TLCD4: variants seen among roughly 807,000 people sequenced by gnomAD.
The protein encoded by TLCD4 is TLC domain-containing protein 4.
Under a neutral mutation model 24.2 loss-of-function variants are expected in TLCD4, and 7 were observed. The observed-to-expected ratio is 0.29, with a 90% CI of 0.16 to 0.54. The LOEUF (loss-of-function observed/expected upper bound fraction) is 0.54. Ranked by LOEUF, TLCD4 falls within the 20% of genes least tolerant of loss-of-function variation. The pLI, the probability that TLCD4 is intolerant of heterozygous loss-of-function variation, is 0.95. For missense variants in TLCD4, 259 were observed against 313.9 expected (o/e 0.82, Z 1.32); for synonymous variants, 103 against 106.4 (o/e 0.97, Z 0.20).
the TLCD4 span, among the ~76,000 whole-genome samples, chr1:95,097,111 T>C: frequency 6.6e-6 from 1 of 152,196 alleles, no homozygotes; most frequent in Non-Finnish European, 1.5e-5. Flanking sequence ...ACATAATAGA[T>C]GTACATATTT....
At chr1:95,122,941 CT>C (rs765193734) in intron 1 of TLCD4, among the ~76,000 whole-genome samples, 19 of 151,338 alleles carry the variant, frequency 1.3e-4, no homozygotes, top group Non-Finnish European at 2.4e-4. Flanking sequence ...TTTACAAGTT[CT>C]TTTTATAAAG....
upstream of TLCD4, among the ~76,000 whole-genome samples, chr1:95,112,662 T>A (rs116458687): frequency 4.1e-3 from 629 of 152,278 alleles, no homozygotes; most frequent in Non-Finnish European, 7.6e-3. Context: ...CAGTCAGGAA[T>A]AAGAGTAGAA....
chr1:95,124,144 A>G (rs1200093461), intron 1 of TLCD4, among the ~76,000 whole-genome samples: 1 of 152,228 alleles, frequency 6.6e-6, no homozygotes, highest in Non-Finnish European at 1.5e-5. Context: ...TGTTTCAAAC[A>G]GGATTTGGGA....
chr1:95,166,041 T>C (rs1479727680), intron 5 of TLCD4, among the ~76,000 whole-genome samples: 1 of 152,142 alleles, frequency 6.6e-6, no homozygotes, highest in African/African-American at 2.4e-5. Flanking sequence ...GAGATTGGAT[T>C]CAATTAAGTT....
chr1:95,178,586 T>TTTTTTA (rs1678522929), intron 6 of TLCD4, among the ~76,000 whole-genome samples: 2 of 124,338 alleles, frequency 1.6e-5, no homozygotes, highest in African/African-American at 2.8e-5. Context: ...TTTTTTTTTT[T>TTTTTTA]GAGACAGTCT....
intron 5 of TLCD4, among the ~76,000 whole-genome samples, chr1:95,169,214 A>T (rs1230629352): frequency 6.6e-6 from 1 of 152,104 alleles, no homozygotes; most frequent in Non-Finnish European, 1.5e-5. Context: ...TATGTCTTGG[A>T]TGGGGCCCTG....
intron 5 of TLCD4, among the ~76,000 whole-genome samples, chr1:95,168,648 A>G (rs1473148730): frequency 2.2e-5 from 3 of 138,172 alleles, no homozygotes; most frequent in Non-Finnish European, 3.0e-5. Context: ...CTCTGCTGGC[A>G]TTATAGGCAT....
chr1:95,165,599 G>A (rs1040715809), intron 5 of TLCD4, among the ~76,000 whole-genome samples: 5 of 151,852 alleles, frequency 3.3e-5, no homozygotes, highest in Admixed American at 6.6e-5. Flanking sequence ...CCAAGTAGTT[G>A]GGATTACCGG....
chr1:95,165,565 A>C (rs967849632), intron 5 of TLCD4, among the ~76,000 whole-genome samples: 7 of 151,650 alleles, frequency 4.6e-5, no homozygotes, highest in Admixed American at 1.3e-4. Context: ...TCCCGGGTTC[A>C]AGCGATTCCC....
At chr1:95,098,807 G>A in the TLCD4 span, among the ~76,000 whole-genome samples, 1 of 152,070 alleles carries the variant, frequency 6.6e-6, no homozygotes, top group East Asian at 1.9e-4. Context: ...GCTCACACCT[G>A]TAATCCCAGC....
At chr1:95,105,351 G>C in the TLCD4 span, among the ~76,000 whole-genome samples, 1 of 152,128 alleles carries the variant, frequency 6.6e-6, no homozygotes, top group East Asian at 1.9e-4. Context: ...CCTGAAACTA[G>C]ATTGTCTTCA....
chr1:95,160,117 A>G (rs1289361537), intron 5 of TLCD4, among the ~76,000 whole-genome samples: 1 of 152,142 alleles, frequency 6.6e-6, no homozygotes, highest in Admixed American at 6.6e-5. Flanking sequence ...TTTTCACGAT[A>G]TTGATTCTTC....
intron 5 of TLCD4, chr1:95,163,348 A>T (rs1003418046): frequency 6.6e-6 from 1 of 152,110 alleles, no homozygotes; most frequent in African/African-American, 2.4e-5. Context: ...TTTCAGCTCC[A>T]TTGGGTACCT....
chr1:95,111,310 A>G, the TLCD4 span, among the ~76,000 whole-genome samples: 1 of 98,222 alleles, frequency 1.0e-5, no homozygotes, highest in African/African-American at 3.4e-5. Flanking sequence ...AAACAAAACA[A>G]AACAAAACAA....
chr1:95,159,810 G>A (rs972270509), intron 5 of TLCD4, among the ~76,000 whole-genome samples: 3 of 152,136 alleles, frequency 2.0e-5, no homozygotes, highest in African/African-American at 7.2e-5. Flanking sequence ...AAGATCAGAT[G>A]GTTGTAGATG....
intron 1 of TLCD4, among the ~76,000 whole-genome samples, chr1:95,143,199 A>G (rs1349010376): frequency 6.6e-6 from 1 of 152,082 alleles, no homozygotes; most frequent in East Asian, 1.9e-4. Context: ...AGTAACCTCC[A>G]GTTATTTTGT....
intron 5 of TLCD4, among the ~76,000 whole-genome samples, chr1:95,168,821 T>C (rs1307361654): frequency 1.3e-5 from 2 of 152,168 alleles, no homozygotes; most frequent in Non-Finnish European, 2.9e-5. Flanking sequence ...AGGCACTGTG[T>C]AAGGCTTTAT....
intron 5 of TLCD4, among the ~76,000 whole-genome samples, chr1:95,162,927 C>T (rs565353558): frequency 2.6e-3 from 391 of 152,302 alleles, no homozygotes; most frequent in Non-Finnish European, 5.0e-3. Context: ...CTCTGGCTGC[C>T]CTTAACATTT....
intron 5 of TLCD4, 51 bp downstream of exon 5, chr1:95,151,470 G>A: frequency 1.9e-6 from 3 of 1,584,766 alleles, no homozygotes; most frequent in Non-Finnish European, 2.6e-6. Context: ...ATTGGGAATA[G>A]TGATGTAAAG....
Sources: allele counts gnomAD v4.1 joint callset (sites outside exome capture counted in the v4.1 genomes callset), GRCh38; gene constraint gnomAD v4.1.1; transcripts MANE v1.5; gene names NCBI Gene and HGNC (gene_info 2026-07-23, HGNC 2026-07-21).